CLBA1: variants seen among roughly 807,000 people sequenced by gnomAD.
CLBA1 encodes the protein clathrin binding box of aftiphilin containing 1, also known as uncharacterized protein CLBA1.
A neutral mutation model predicts 28.8 loss-of-function variants in CLBA1; 30 were observed. The ratio of observed to expected loss-of-function variants is 1.04; its 90% CI spans 0.78 to 1.41. The LOEUF (loss-of-function observed/expected upper bound fraction) is 1.41, where lower values mean the gene tolerates loss of function less well. Ranked by LOEUF, CLBA1 falls within the 40% of genes most tolerant of loss-of-function variation. The pLI is 0.00. For missense variants in CLBA1, 451 were observed against 412.3 expected (o/e 1.09, Z -0.81); for synonymous variants, 160 against 152.8 (o/e 1.05, Z -0.35).
At chr14:104,987,606 C>CTTT (rs869117577) in intron 1 of CLBA1, among the ~76,000 whole-genome samples, 844 of 59,994 alleles carry the variant, frequency 0.014, 179 homozygotes, top group South Asian at 0.019. Flanking sequence ...TCTTCCTTTT[C>CTTT]TTTTTTTTTT....
At position 105,001,144 on chromosome 14, in the gene CLBA1, G is replaced by A. The variant is rs145987752; in HGVS notation, n.216+8080G>A. ...TGAACCTGAAGCATTTATGCTAAGC[G>A]AAATAAGCTGGTACAGAAAGACAAA... On this transcript the variant is annotated intron_variant and non_coding_transcript_variant, in intron 2 of 2. Coordinates refer to the CLBA1 transcript ENST00000548178. 2.3e-4 allele frequency among the ~76,000 whole-genome samples: 34 copies of A among 150,810 alleles called. No homozygotes were observed. The East Asian group carries it at 5.9e-3, about 26-fold the overall frequency.
In CLBA1 at chr14:104,992,951, CTT is replaced by C; in HGVS notation, c.705_706del (p.Ser236TrpfsTer11). ...CTGATGGGGTCTGTCTCCTTAGAAC[CTT>C]TCTGGAGGCCAGGGCCACATCATGG... ...VLGIDAAQKN[L>X]SGGQGHIMED... On this transcript the variant is annotated frameshift_variant, in exon 4 of 5. Transcript: ENST00000547315. LOFTEE classifies it high-confidence loss of function. The C allele has an allele frequency of 1.2e-6, 2 of 1,613,248 alleles. No homozygotes were observed. The highest frequency in any genetic ancestry group is 8.5e-7 in the Non-Finnish European group (1 of 1,179,200).
chr14:104,997,649 C>T (rs756669087), downstream of CLBA1, among the ~76,000 whole-genome samples: 11 of 152,176 alleles, frequency 7.2e-5, no homozygotes, highest in Admixed American at 2.6e-4. Flanking sequence ...CAGAAGGCCA[C>T]GCACGCACCC....
intron 2 of CLBA1, chr14:104,989,540 C>CCCCAGGCCG (rs1899960529): frequency 2.2e-6 from 1 of 454,346 alleles, no homozygotes; most frequent in African/African-American, 2.0e-5. Context: ...GCCCCAGGCC[C>CCCCAGGCCG]AGCCCCAGGG....
At chr14:104,989,154 G>A in intron 2 of CLBA1, 66 bp downstream of exon 2, 3 of 1,530,256 alleles carry the variant, frequency 2.0e-6, no homozygotes, top group East Asian at 4.5e-5. Flanking sequence ...AAAAGTAGGT[G>A]TGTGAGGCTT....
chr14:104,992,499 A>T (rs1409834688), intron 3 of CLBA1, among the ~76,000 whole-genome samples: 1 of 152,254 alleles, frequency 6.6e-6, no homozygotes, highest in Non-Finnish European at 1.5e-5. Context: ...CTGTTGGCCC[A>T]TGGGCCACAT....
chr14:104,988,321 A>G (rs1899924675), intron 1 of CLBA1, among the ~76,000 whole-genome samples: 1 of 149,338 alleles, frequency 6.7e-6, no homozygotes, highest in Admixed American at 6.7e-5. Context: ...TGCTTACTGT[A>G]GTATGTATAA....
At chr14:104,992,803 A>C (rs2241865) in intron 3 of CLBA1, 145 bp from the exon 4 acceptor site, 117,928 of 777,000 alleles carry the variant, frequency 0.15, 9,907 homozygotes, top group East Asian at 0.26. Flanking sequence ...AGGGCGACAC[A>C]GGGGAAACTG....
intron 2 of CLBA1, 49 bp downstream of exon 2, chr14:104,989,137 G>A: frequency 6.3e-7 from 1 of 1,577,584 alleles, no homozygotes; most frequent in Non-Finnish European, 8.7e-7. Flanking sequence ...TTGTACTTTT[G>A]TTTGATAAAA....
At position 104,986,123 on chromosome 14, in the gene CLBA1, C is replaced by T; in HGVS notation, c.-309C>T. 1 of 439,762 alleles carries T rather than the reference C, an allele frequency of 2.3e-6. No individual in the cohort carries two copies. The allele number at this position is 439,762 out of a possible 1,614,324, so 27.2% of individuals were successfully genotyped here. A position where few individuals can be genotyped will look rare whatever the true frequency, so the allele number is the denominator to read the frequency against. Reference sequence around the variant, plus strand: ...GCTCTCTCCAGAGCAGGAGCCCCACCTTGGGCCGCCCCTCTCACACCTGCC... The same window carrying T: ...GCTCTCTCCAGAGCAGGAGCCCCACTTTGGGCCGCCCCTCTCACACCTGCC... On this transcript the variant is annotated 5_prime_UTR_variant, in exon 1 of 5. Transcript: ENST00000547315.
At chr14:104,996,448 G>A (rs1030159816), downstream of CLBA1, among the ~76,000 whole-genome samples, 4 of 152,216 alleles carry the variant, frequency 2.6e-5, no homozygotes, top group Non-Finnish European at 5.9e-5. Context: ...GGAAGAAAGT[G>A]CCAAAAGCTG....
Position 104,995,257 on chromosome 14 carries a change from G to A in CLBA1, c.*498G>A. 5.1e-6 allele frequency: 5 copies of A among 986,192 alleles called. No individual in the cohort carries two copies. Among genetic ancestry groups the A allele is most frequent in the Non-Finnish European group, 6.0e-6 (5 of 830,592 alleles). 61.1% of individuals were successfully genotyped at this position (986,192 alleles called of 1,614,324 possible). ...TGCTGTGTGGTCAGGGCACCATGAGGGTGTACAGATGTGCTGTGTCCTCAG... is the reference window on the plus strand; with the variant it reads ...TGCTGTGTGGTCAGGGCACCATGAGAGTGTACAGATGTGCTGTGTCCTCAG... On this transcript the variant is annotated 3_prime_UTR_variant, in exon 5 of 5. Transcript: ENST00000547315.
intron 2 of CLBA1, chr14:104,989,399 G>A (rs565733155): frequency 5.0e-5 from 20 of 403,384 alleles, no homozygotes; most frequent in South Asian, 1.6e-4. Flanking sequence ...CATTCAGTGC[G>A]AGTGGCTGGT....
chr14:104,992,892 A>G, intron 3 of CLBA1, 56 bp from the exon 4 acceptor site: 1 of 1,383,934 alleles, frequency 7.2e-7, no homozygotes, highest in Non-Finnish European at 1.0e-6. Flanking sequence ...GGGGAAAAGG[A>G]AACAGGAGAC....
chr14:104,999,052 A>G (rs1245341374), downstream of CLBA1, among the ~76,000 whole-genome samples: 1 of 152,256 alleles, frequency 6.6e-6, no homozygotes, highest in African/African-American at 2.4e-5. Context: ...CACTCTATCC[A>G]GGGCCCATGG....
chr14:104,989,369 T>G (rs1015286651), intron 2 of CLBA1: 1 of 437,046 alleles, frequency 2.3e-6, no homozygotes, highest in African/African-American at 2.0e-5. Context: ...CCAGTGCTGG[T>G]GGAGTGGGTG....
Position 104,992,928 on chromosome 14 carries a change from G to A in CLBA1, c.700-20G>A, listed in dbSNP as rs988584155. The A allele has an allele frequency of 1.3e-6, 2 of 1,560,250 alleles. No individual in the cohort carries two copies. The highest frequency in any genetic ancestry group is 2.2e-5 in the South Asian group (2 of 89,936). On this transcript the variant is annotated intron_variant, in intron 3 of 4. Coordinates refer to ENST00000547315, the MANE Select transcript of CLBA1 (RefSeq NM_174891.4). ...AAAATGATGACTGTACCGGCTGTCT[G>A]ATGGGGTCTGTCTCCTTAGAACCTT...
Position 104,985,850 on chromosome 14 carries a change from C to T in CLBA1, c.-582C>T, listed in dbSNP as rs928416917. On this transcript the variant is annotated 5_prime_UTR_variant, in exon 1 of 5. Transcript: ENST00000547315. ...TTGCAGGTTTCTCTCGCCCTGGTCC[C>T]GCGCGGCCCCGCCGAGGCGGCGACC... is the stretch of plus-strand genomic sequence containing the variant. 4 of 219,478 alleles carry T rather than the reference C, an allele frequency of 1.8e-5. No homozygotes were observed. The highest frequency in any genetic ancestry group is 2.4e-4 in the East Asian group (1 of 4,094). The allele number at this position is 219,478 out of a possible 1,614,324, so 13.6% of individuals were successfully genotyped here. A position where few individuals can be genotyped will look rare whatever the true frequency, so the allele number is the denominator to read the frequency against.
intron 1 of CLBA1, 31 bp from the exon 2 acceptor site, chr14:104,988,912 C>G (rs376237464): frequency 4.5e-6 from 7 of 1,569,090 alleles, no homozygotes; most frequent in Non-Finnish European, 6.1e-6. Context: ...TTTCTCCTAA[C>G]TTTGGTATGC....
Sources: allele counts gnomAD v4.1 joint callset (sites outside exome capture counted in the v4.1 genomes callset), GRCh38; gene constraint gnomAD v4.1.1; transcripts MANE v1.5; gene names NCBI Gene and HGNC (gene_info 2026-07-23, HGNC 2026-07-21).